Variants in RAB3C observed in about 807,000 individuals in gnomAD.
The protein encoded by RAB3C is ras-related protein Rab-3C.
RAB3C carries 17 observed loss-of-function variants against 26.4 expected under a neutral mutation model. The ratio of observed to expected loss-of-function variants is 0.64; its 90% CI spans 0.44 to 0.97. The LOEUF (loss-of-function observed/expected upper bound fraction) is 0.97, where lower values mean the gene tolerates loss of function less well. Ranked by LOEUF, RAB3C falls within the 50% of genes least tolerant of loss-of-function variation. The pLI is 0.00. For missense variants in RAB3C, 242 were observed against 281.9 expected, an observed-to-expected ratio of 0.86 and a Z score of 1.01; for synonymous variants, 91 against 95.9, an observed-to-expected ratio of 0.95 and a Z score of 0.30.
At chr5:58,799,126 T>A (rs1159196937) in intron 3 of RAB3C, among the ~76,000 whole-genome samples, 3 of 152,162 alleles carry the variant, frequency 2.0e-5, no homozygotes, top group Non-Finnish European at 2.9e-5. Flanking sequence ...GTTTCCTGGT[T>A]GATTTAGTGC....
chr5:58,757,654 C>T (rs1327561465), intron 3 of RAB3C, among the ~76,000 whole-genome samples: 1 of 152,122 alleles, frequency 6.6e-6, no homozygotes, highest in Non-Finnish European at 1.5e-5. Flanking sequence ...CAAGTGTTTT[C>T]TGATTTCCCT....
intron 3 of RAB3C, among the ~76,000 whole-genome samples, chr5:58,793,036 C>A (rs1742564022): frequency 6.6e-6 from 1 of 152,034 alleles, no homozygotes. Flanking sequence ...ATGTCCAATG[C>A]ACATTCTTAT....
At chr5:58,690,450 C>A (rs1748546925) in intron 2 of RAB3C, among the ~76,000 whole-genome samples, 1 of 152,096 alleles carries the variant, frequency 6.6e-6, no homozygotes, top group Non-Finnish European at 1.5e-5. Context: ...TGCAAAATGG[C>A]TTCTGTACTC....
chr5:58,597,058 A>G (rs868455584), intron 1 of RAB3C, among the ~76,000 whole-genome samples: 16 of 91,188 alleles, frequency 1.8e-4, no homozygotes, highest in East Asian at 7.7e-4. Flanking sequence ...TATATATAAT[A>G]CATAATATAT....
rs375245013 is a variant in RAB3C, at chr5:58,856,315, A to C, written c.*4964A>C. 1 of 129,128 alleles carries C rather than the reference A, an allele frequency of 7.7e-6. No individual in the cohort carries two copies. Among genetic ancestry groups the C allele is most frequent in the East Asian group, 2.0e-4 (1 of 4,968 alleles). 8.0% of individuals were successfully genotyped at this position (129,128 alleles called of 1,614,324 possible). On this transcript the variant is annotated 3_prime_UTR_variant, in exon 5 of 5. Coordinates refer to ENST00000282878, the MANE Select transcript of RAB3C (RefSeq NM_138453.4). Reference sequence around the variant, plus strand: ...GCAAGCATTCTAGATAACAGAAATGAGTCATTTTAAAACCTCACTCAGAGC... The same window carrying C: ...GCAAGCATTCTAGATAACAGAAATGCGTCATTTTAAAACCTCACTCAGAGC...
chr5:58,728,640 G>C lies in RAB3C; in HGVS notation c.371+2520G>C, dbSNP rs77094518. 3.9e-5 allele frequency among the ~76,000 whole-genome samples: 6 copies of C among 152,100 alleles called. No individual in the cohort carries two copies. The East Asian group carries it at 1.2e-3, about 30-fold the overall frequency. On this transcript the variant is annotated intron_variant, in intron 3 of 4. Coordinates refer to ENST00000282878, the MANE Select transcript of RAB3C (RefSeq NM_138453.4). Reference sequence around the variant, plus strand: ...GGAGCACATGTTAATCACCTGTAGAGCTTTGACAACATATACAAGCCCAGA... The same window carrying C: ...GGAGCACATGTTAATCACCTGTAGACCTTTGACAACATATACAAGCCCAGA...
At chr5:58,813,844 C>A (rs1486353220) in intron 3 of RAB3C, among the ~76,000 whole-genome samples, 3 of 81,688 alleles carry the variant, frequency 3.7e-5, no homozygotes, top group South Asian at 6.6e-4. Context: ...GGGTTAACAC[C>A]CATGGAGCAA....
At chr5:58,652,258 A>G (rs1220093891) in intron 2 of RAB3C, among the ~76,000 whole-genome samples, 1 of 151,692 alleles carries the variant, frequency 6.6e-6, no homozygotes, top group Non-Finnish European at 1.5e-5. Flanking sequence ...AGCATCTACA[A>G]TCAATTTATA....
intron 1 of RAB3C, among the ~76,000 whole-genome samples, chr5:58,606,408 G>A (rs570295753): frequency 1.3e-5 from 2 of 152,330 alleles, no homozygotes; most frequent in African/African-American, 4.8e-5. Flanking sequence ...ATTGGGCAGA[G>A]CCCACCGCAG....
At chr5:58,743,221 A>T (rs1289829813) in intron 3 of RAB3C, among the ~76,000 whole-genome samples, 1 of 152,146 alleles carries the variant, frequency 6.6e-6, no homozygotes, top group African/African-American at 2.4e-5. Context: ...AGAAAAATCT[A>T]ATGTACCTGG....
intron 2 of RAB3C, among the ~76,000 whole-genome samples, chr5:58,719,081 T>TTGTG (rs1249793495): frequency 6.6e-6 from 1 of 151,832 alleles, no homozygotes; most frequent in African/African-American, 2.4e-5. Flanking sequence ...TTTGGGGGAG[T>TTGTG]TGTGTCTCAG....
chr5:58,729,736 AT>A (rs1210083642), intron 3 of RAB3C, among the ~76,000 whole-genome samples: 4 of 146,118 alleles, frequency 2.7e-5, no homozygotes, highest in African/African-American at 1.0e-4. Flanking sequence ...AAAATATTGT[AT>A]TTTATATTTA....
At chr5:58,845,188 C>G (rs1448380685) in intron 4 of RAB3C, among the ~76,000 whole-genome samples, 1 of 152,174 alleles carries the variant, frequency 6.6e-6, no homozygotes, top group Non-Finnish European at 1.5e-5. Flanking sequence ...CACTTCTGGC[C>G]TAAGGCCCTG....
chr5:58,784,807 C>T (rs553127056), intron 3 of RAB3C: 1 of 152,328 alleles, frequency 6.6e-6, no homozygotes, highest in South Asian at 2.1e-4. Context: ...CTTCCATAGG[C>T]TGTGTGAGAT....
chr5:58,693,149 T>A (rs1229338741), intron 2 of RAB3C, among the ~76,000 whole-genome samples: 1 of 146,166 alleles, frequency 6.8e-6, no homozygotes, highest in Non-Finnish European at 1.5e-5. Context: ...AAATTATATT[T>A]GTATAATTAT....
At chr5:58,648,694 A>G (rs1034719594) in intron 2 of RAB3C, among the ~76,000 whole-genome samples, 2 of 152,216 alleles carry the variant, frequency 1.3e-5, no homozygotes, top group Non-Finnish European at 2.9e-5. Context: ...AAATAGATGC[A>G]TTAAAATACT....
At chr5:58,735,076 A>G (rs1057037265) in intron 3 of RAB3C, among the ~76,000 whole-genome samples, 1 of 152,148 alleles carries the variant, frequency 6.6e-6, no homozygotes, top group Non-Finnish European at 1.5e-5. Flanking sequence ...TGTCTAACCC[A>G]CGTTTATTCT....
intron 2 of RAB3C, among the ~76,000 whole-genome samples, chr5:58,654,212 T>C (rs1747715503): frequency 6.6e-6 from 1 of 152,134 alleles, no homozygotes; most frequent in African/African-American, 2.4e-5. Flanking sequence ...CTATAATATA[T>C]CATGTAGGTA....
intron 4 of RAB3C, among the ~76,000 whole-genome samples, chr5:58,828,585 G>A (rs926003052): frequency 4.6e-5 from 7 of 152,170 alleles, no homozygotes; most frequent in East Asian, 1.9e-4. Flanking sequence ...TCACACTGGC[G>A]CTTCAGGCGC....
Sources: allele counts gnomAD v4.1 joint callset (sites outside exome capture counted in the v4.1 genomes callset), GRCh38; gene constraint gnomAD v4.1.1; transcripts MANE v1.5; gene names NCBI Gene and HGNC (gene_info 2026-07-23, HGNC 2026-07-21).